FRMD3: variants seen among roughly 807,000 people sequenced by gnomAD.
FRMD3 encodes FERM domain-containing protein 3.
A neutral mutation model predicts 70.2 loss-of-function variants in FRMD3; 33 were observed. The ratio of observed to expected loss-of-function variants is 0.47; its 90% CI spans 0.36 to 0.63. The LOEUF (loss-of-function observed/expected upper bound fraction) is 0.63. FRMD3 is among the 20% of genes least tolerant of loss of function. The probability of loss-of-function intolerance (pLI) is 0.00; values close to 1 mark genes in which losing one functional copy is unlikely to be tolerated. For missense variants in FRMD3, 632 were observed against 711.4 expected, an observed-to-expected ratio of 0.89 and a Z score of 1.27; for synonymous variants, 279 against 255.9, an observed-to-expected ratio of 1.09 and a Z score of -0.86.
the FRMD3 span, among the ~76,000 whole-genome samples, chr9:83,571,336 C>T: frequency 1.3e-5 from 2 of 152,210 alleles, no homozygotes; most frequent in South Asian, 4.1e-4. Flanking sequence ...CCACCAGAGT[C>T]ATAAGCCAAA....
intron 1 of FRMD3, among the ~76,000 whole-genome samples, chr9:83,471,968 C>T (rs1258234806): frequency 6.6e-6 from 1 of 152,186 alleles, no homozygotes; most frequent in Non-Finnish European, 1.5e-5. Flanking sequence ...ACCTAAGAGG[C>T]TTGTTGAGGT....
At chr9:83,429,612 C>T (rs553370854) in intron 1 of FRMD3, among the ~76,000 whole-genome samples, 48 of 152,170 alleles carry the variant, frequency 3.2e-4, no homozygotes, top group Non-Finnish European at 5.6e-4. Flanking sequence ...CCTGTTTCCT[C>T]ATCTACAAAA....
intron 1 of FRMD3, among the ~76,000 whole-genome samples, chr9:83,429,957 TCAC>T (rs1826923298): frequency 6.6e-6 from 1 of 152,150 alleles, no homozygotes; most frequent in Non-Finnish European, 1.5e-5. Context: ...AACCCACTAT[TCAC>T]CAACTGCTTC....
At chr9:83,584,096 A>T in the FRMD3 span, among the ~76,000 whole-genome samples, 1 of 152,048 alleles carries the variant, frequency 6.6e-6, no homozygotes, top group Non-Finnish European at 1.5e-5. Flanking sequence ...AGCATTTTGG[A>T]AGGCCAAGGC....
At chr9:83,545,941 T>C in the FRMD3 span, among the ~76,000 whole-genome samples, 15 of 151,666 alleles carry the variant, frequency 9.9e-5, no homozygotes, top group Admixed American at 9.9e-4. Context: ...AAAAGAATCC[T>C]AATAGCAGCA....
At chr9:83,519,831 A>C (rs1358730522) in intron 1 of FRMD3, among the ~76,000 whole-genome samples, 1 of 152,236 alleles carries the variant, frequency 6.6e-6, no homozygotes, top group African/African-American at 2.4e-5. Flanking sequence ...GAATGAGTTC[A>C]TGTCCTTTTC....
chr9:83,375,774 C>T (rs1490936228), intron 2 of FRMD3, among the ~76,000 whole-genome samples: 3 of 152,122 alleles, frequency 2.0e-5, no homozygotes, highest in Admixed American at 2.0e-4. Flanking sequence ...GGGAACTAGG[C>T]TTAATACCTG....
At chr9:83,307,722 G>C (rs1835185302) in intron 10 of FRMD3, among the ~76,000 whole-genome samples, 1 of 152,120 alleles carries the variant, frequency 6.6e-6, no homozygotes, top group African/African-American at 2.4e-5. Flanking sequence ...TCTGGAATTA[G>C]ATAGTGATAA....
chr9:83,310,497 G>C lies in FRMD3; in HGVS notation c.825C>G (p.Gly275=), dbSNP rs1454036284. ...AGCAGTATCTGACCTCCTTCTGGGT[G>C]CCAATCACATAAAATGTCTTCCCTT... ...KFEGKTFYVI[G]TQKEKKAMLA... Residue 275 remains glycine, a synonymous_variant, in exon 9 of 14, where the codon GGC becomes GGG. Transcript: ENST00000304195. The C allele has an allele frequency of 3.7e-6, 6 of 1,607,032 alleles. No homozygotes were observed. Among genetic ancestry groups the C allele is most frequent in the Non-Finnish European group, 3.4e-6 (4 of 1,177,954 alleles).
rs575868641 is a variant in FRMD3, at chr9:83,351,794, G to A, written c.296-2037C>T. Among the ~76,000 whole-genome samples, 96 of 152,096 alleles carry A rather than the reference G, an allele frequency of 6.3e-4. 1 individual carries two copies. Among genetic ancestry groups the A allele is most frequent in the African/African-American group, 2.0e-3 (84 of 41,484 alleles). ...ATCCTGCCCCATCTGTCTCAGGTTC[G>A]TTCCTATCCAACTTCATTACACCCC... On this transcript the variant is annotated intron_variant, in intron 3 of 13. Coordinates refer to ENST00000304195, the MANE Select transcript of FRMD3 (RefSeq NM_174938.6).
intron 1 of FRMD3, among the ~76,000 whole-genome samples, chr9:83,391,006 T>A (rs572166949): frequency 2.6e-5 from 4 of 152,196 alleles, no homozygotes; most frequent in Admixed American, 2.6e-4. Context: ...CTGCAGACAA[T>A]GCAGTGATTA....
At chr9:83,298,622 A>G in intron 12 of FRMD3, 126 bp downstream of exon 12, 1 of 713,516 alleles carries the variant, frequency 1.4e-6, no homozygotes. Context: ...TGTCTGAGTG[A>G]GATGTCTAAG....
chr9:83,522,682 G>T (rs1829600988), intron 1 of FRMD3, among the ~76,000 whole-genome samples: 1 of 151,176 alleles, frequency 6.6e-6, no homozygotes, highest in South Asian at 2.1e-4. Flanking sequence ...TCCTGCCTCA[G>T]CCTCCCGAGT....
chr9:83,415,459 T>C (rs1826405619), intron 1 of FRMD3, among the ~76,000 whole-genome samples: 1 of 150,420 alleles, frequency 6.6e-6, no homozygotes, highest in African/African-American at 2.5e-5. Context: ...TTTTTTTTTT[T>C]TGAGACAGAG....
intron 3 of FRMD3, among the ~76,000 whole-genome samples, chr9:83,353,366 G>A (rs1300422475): frequency 6.6e-6 from 1 of 152,142 alleles, no homozygotes; most frequent in Non-Finnish European, 1.5e-5. Flanking sequence ...ATTTTATAAA[G>A]TAGTACTGCT....
At chr9:83,576,287 A>G in the FRMD3 span, among the ~76,000 whole-genome samples, 17 of 152,194 alleles carry the variant, frequency 1.1e-4, no homozygotes, top group Non-Finnish European at 2.5e-4. Context: ...AATAAAAGAC[A>G]AAACCATATG....
chr9:83,335,564 G>C lies in FRMD3; in HGVS notation c.548C>G (p.Ser183Ter), dbSNP rs377102269. ...CACTATTTTTCTTTCCAGCTTCTGT[G>C]ACTGCTTGGGGAAAATCTCAAACTC... ...ISEFEIFPKQSQKLERKIVEI... is the reference protein window; with the variant it reads ...ISEFEIFPKQ Residue 183 changes from serine (S) to a stop codon, truncating the protein, a stop_gained, in exon 6 of 14, where the codon TCA becomes TGA. Coordinates refer to ENST00000304195, the MANE Select transcript of FRMD3 (RefSeq NM_174938.6). LOFTEE classifies it high-confidence loss of function. The C allele has an allele frequency of 1.3e-5, 21 of 1,612,852 alleles. No individual in the cohort carries two copies. Among genetic ancestry groups the C allele is most frequent in the Non-Finnish European group, 3.4e-6 (4 of 1,179,228 alleles).
the FRMD3 span, among the ~76,000 whole-genome samples, chr9:83,574,340 C>T: frequency 6.6e-6 from 1 of 152,010 alleles, no homozygotes; most frequent in Non-Finnish European, 1.5e-5. Flanking sequence ...AAAATAACTA[C>T]CAAAAAAAAT....
chr9:83,342,947 T>C lies in FRMD3; in HGVS notation c.472+243A>G, dbSNP rs532472824. Among the ~76,000 whole-genome samples, 22 of 152,278 alleles carry C rather than the reference T, an allele frequency of 1.4e-4. No individual in the cohort carries two copies. The East Asian group carries it at 3.9e-3, about 27-fold the overall frequency. ...AAAGAGAGCTTTTGACTCTGACTCA[T>C]GGGATCTTGAGCAACTCTGTTTTTG... On this transcript the variant is annotated intron_variant, in intron 5 of 13. Transcript: ENST00000304195.
Sources: gnomAD v4.1 joint callset for allele counts (sites outside exome capture counted in the v4.1 genomes callset) on GRCh38, gnomAD v4.1.1 for gene constraint, MANE v1.5 for transcripts, NCBI Gene and HGNC (gene_info 2026-07-23, HGNC 2026-07-21) for gene names.